SGPL1: variants seen among roughly 807,000 people sequenced by gnomAD.
SGPL1 encodes the protein sphingosine-1-phosphate lyase 1.
A neutral mutation model predicts 68.9 loss-of-function variants in SGPL1; 37 were observed. That is an observed-to-expected ratio of 0.54 (90% CI 0.41 to 0.71). The LOEUF (loss-of-function observed/expected upper bound fraction) is 0.71. Ranked by LOEUF, SGPL1 falls within the 30% of genes least tolerant of loss-of-function variation. The pLI, the probability that SGPL1 is intolerant of heterozygous loss-of-function variation, is 0.00. For synonymous variants in SGPL1, 236 were observed against 248.5 expected (o/e 0.95, Z 0.47); for missense variants, 551 against 704.6 (o/e 0.78, Z 2.47).
Position 70,851,156 on chromosome 10 carries a change from G to A in SGPL1, c.207G>A (p.Arg69=). Residue 69 remains arginine, a synonymous_variant, in exon 4 of 15, where the codon AGG becomes AGA. Transcript: ENST00000373202. ...TGTTTCTTTTAGGTTTATGGTCAAGGTTTAAAAAGAAATGTTTTAAGCTCA... is the reference window on the plus strand; with the variant it reads ...TGTTTCTTTTAGGTTTATGGTCAAGATTTAAAAAGAAATGTTTTAAGCTCA... ...FVFQPESLWS[R]FKKKCFKLTR... 1 of 1,613,644 alleles carries A rather than the reference G, an allele frequency of 6.2e-7. No individual in the cohort carries two copies. Among genetic ancestry groups the A allele is most frequent in the East Asian group, 2.2e-5 (1 of 44,856 alleles).
intron 5 of SGPL1, among the ~76,000 whole-genome samples, chr10:70,855,106 C>T (rs968638476): frequency 2.6e-5 from 4 of 152,066 alleles, no homozygotes; most frequent in Admixed American, 6.6e-5. Context: ...ATGAATAAAA[C>T]AAATATATTT....
chr10:70,863,779 A>G lies in SGPL1; in HGVS notation c.615+4280A>G, dbSNP rs142567725. Among the ~76,000 whole-genome samples, 3 of 152,330 alleles carry G rather than the reference A, an allele frequency of 2.0e-5. No individual in the cohort carries two copies. The East Asian group carries it at 5.8e-4, about 29-fold the overall frequency. ...CTTTACTTGAACATCAGGGTTGAGA[A>G]AAACAGTTTTTCTTTTCTCTTTTGC... On this transcript the variant is annotated intron_variant, in intron 7 of 14. Coordinates refer to ENST00000373202, the MANE Select transcript of SGPL1 (RefSeq NM_003901.4).
In SGPL1 at chr10:70,877,891, T is replaced by G. The variant is rs1394166688; in HGVS notation, c.*556T>G. On this transcript the variant is annotated 3_prime_UTR_variant, in exon 15 of 15. Coordinates refer to ENST00000373202, the MANE Select transcript of SGPL1 (RefSeq NM_003901.4). ...GTGCAGTGGCATGATCTCAGCTCAC[T>G]GCAACCTCCACCCACTGGGTTCAAG... 7.0e-6 allele frequency: 1 copy of G among 143,734 alleles called. No individual in the cohort carries two copies. The highest frequency in any genetic ancestry group is 2.6e-5 in the African/African-American group (1 of 39,050). The allele number at this position is 143,734 out of a possible 1,614,324, so 8.9% of individuals were successfully genotyped here.
rs1383755179 is a variant in SGPL1, at chr10:70,879,269, C to T, written c.*1934C>T. The T allele has an allele frequency of 1.3e-5, 2 of 152,776 alleles. No individual in the cohort carries two copies. Among genetic ancestry groups the T allele is most frequent in the African/African-American group, 4.8e-5 (2 of 41,474 alleles). 9.5% of individuals were successfully genotyped at this position (152,776 alleles called of 1,614,324 possible). A position where few individuals can be genotyped will look rare whatever the true frequency, so the allele number is the denominator to read the frequency against. On this transcript the variant is annotated 3_prime_UTR_variant, in exon 15 of 15. Transcript: ENST00000373202. Reference sequence around the variant, plus strand: ...GGCTGGGAGAGCCATGACTACCAGACTTTTCCTCAGGCTCCTTGGCATGTT... The same window carrying T: ...GGCTGGGAGAGCCATGACTACCAGATTTTTCCTCAGGCTCCTTGGCATGTT...
intron 5 of SGPL1, among the ~76,000 whole-genome samples, chr10:70,855,785 C>T (rs1845953877): frequency 6.6e-6 from 1 of 152,136 alleles, no homozygotes; most frequent in Admixed American, 6.5e-5. Flanking sequence ...TCCCTATACC[C>T]AGCTTCTCCT....
chr10:70,840,224 G>T (rs181828785), intron 2 of SGPL1, among the ~76,000 whole-genome samples: 1 of 152,186 alleles, frequency 6.6e-6, no homozygotes, highest in African/African-American at 2.4e-5. Context: ...AAAGGCATGC[G>T]TTCCTAGACT....
chr10:70,852,432 C>T (rs1305592259), intron 4 of SGPL1, among the ~76,000 whole-genome samples: 2 of 152,166 alleles, frequency 1.3e-5, no homozygotes, highest in Admixed American at 6.5e-5. Context: ...CTAGTCCTTA[C>T]AGAGTATAAG....
chr10:70,862,410 A>G (rs943183327), intron 7 of SGPL1, among the ~76,000 whole-genome samples: 3 of 152,096 alleles, frequency 2.0e-5, no homozygotes, highest in Non-Finnish European at 2.9e-5. Flanking sequence ...CCCTGACAAA[A>G]CAGACCACTT....
Position 70,880,378 on chromosome 10 carries a change from T to G in SGPL1, c.*3043T>G, listed in dbSNP as rs1846479213. ...TCAGAGAGGTCTGAAATTCAGGTTC[T>G]TAGTTTGCCAGGGACAGGCCCTATC... On this transcript the variant is annotated 3_prime_UTR_variant, in exon 15 of 15. Transcript: ENST00000373202. 2 of 152,244 alleles carry G rather than the reference T, an allele frequency of 1.3e-5. No individual in the cohort carries two copies. Among genetic ancestry groups the G allele is most frequent in the South Asian group, 4.1e-4 (2 of 4,836 alleles). 9.4% of individuals were successfully genotyped at this position (152,244 alleles called of 1,614,324 possible).
rs1012074738 is a variant in SGPL1, at chr10:70,839,154, G to A, written c.28-5319G>A. Among the ~76,000 whole-genome samples, 5 of 152,060 alleles carry A rather than the reference G, an allele frequency of 3.3e-5. No individual in the cohort carries two copies. The East Asian group carries it at 9.6e-4, about 29-fold the overall frequency. Reference sequence around the variant, plus strand: ...ATTGAGTACTATTTTGATGCCTTTTGGGTATCATCTGAAATGTAATCATTG... The same window carrying A: ...ATTGAGTACTATTTTGATGCCTTTTAGGTATCATCTGAAATGTAATCATTG... On this transcript the variant is annotated intron_variant, in intron 2 of 14. Coordinates refer to ENST00000373202, the MANE Select transcript of SGPL1 (RefSeq NM_003901.4).
chr10:70,848,075 G>A (rs1845818258), intron 3 of SGPL1, among the ~76,000 whole-genome samples: 1 of 152,142 alleles, frequency 6.6e-6, no homozygotes, highest in Admixed American at 6.5e-5. Context: ...TTAACTGTGG[G>A]TTGTCCATAA....
At chr10:70,853,387 A>T (rs1845916405) in intron 4 of SGPL1, among the ~76,000 whole-genome samples, 1 of 152,218 alleles carries the variant, frequency 6.6e-6, no homozygotes, top group Non-Finnish European at 1.5e-5. Context: ...TATATTGCTG[A>T]AACAATAGCA....
In SGPL1 at chr10:70,817,746, C is replaced by T. The variant is rs145142066; in HGVS notation, c.27+866C>T. On this transcript the variant is annotated intron_variant, in intron 2 of 14. Coordinates refer to ENST00000373202, the MANE Select transcript of SGPL1 (RefSeq NM_003901.4). ...TGTCTTCCAGATTAGAGTTATGGTT[C>T]CTCGACAGGCAGATAATCATGTCTT... is the stretch of plus-strand genomic sequence containing the variant. Among the ~76,000 whole-genome samples the T allele has an allele frequency of 1.4e-3, 208 of 152,306 alleles. 3 individuals carry two copies. Among genetic ancestry groups the T allele is most frequent in the African/African-American group, 4.9e-3 (202 of 41,554 alleles).
chr10:70,847,570 T>C (rs1845811962), intron 3 of SGPL1, among the ~76,000 whole-genome samples: 2 of 152,192 alleles, frequency 1.3e-5, no homozygotes, highest in Non-Finnish European at 2.9e-5. Context: ...ATACCACTAT[T>C]GTATTTCTCT....
At chr10:70,865,762 A>C (rs945620908) in intron 7 of SGPL1, among the ~76,000 whole-genome samples, 1 of 152,238 alleles carries the variant, frequency 6.6e-6, no homozygotes, top group African/African-American at 2.4e-5. Context: ...CTCAGTTACA[A>C]TGATAGAGGT....
chr10:70,831,159 G>A (rs894048412), intron 2 of SGPL1, among the ~76,000 whole-genome samples: 1 of 152,084 alleles, frequency 6.6e-6, no homozygotes, highest in African/African-American at 2.4e-5. Context: ...TAACCCGGAG[G>A]GGCGTCCCAG....
chr10:70,870,122 GAC>G, intron 9 of SGPL1: 1 of 430,068 alleles, frequency 2.3e-6, no homozygotes, highest in South Asian at 4.4e-5. Flanking sequence ...GGACTTGAGA[GAC>G]ACTGGTTTTG....
intron 5 of SGPL1, among the ~76,000 whole-genome samples, chr10:70,855,430 C>T (rs1845949022): frequency 6.6e-6 from 1 of 152,174 alleles, no homozygotes; most frequent in African/African-American, 2.4e-5. Context: ...AGAGCGTAAC[C>T]CTGGAACCAG....
intron 2 of SGPL1, among the ~76,000 whole-genome samples, chr10:70,837,531 G>C (rs528268067): frequency 1.3e-5 from 2 of 152,298 alleles, no homozygotes; most frequent in South Asian, 4.1e-4. Context: ...TGAAACAAGT[G>C]GGTGAACTCT....
Sources: allele counts gnomAD v4.1 joint callset (sites outside exome capture counted in the v4.1 genomes callset), GRCh38; gene constraint gnomAD v4.1.1; transcripts MANE v1.5; gene names NCBI Gene and HGNC (gene_info 2026-07-23, HGNC 2026-07-21).